Variants in FTO observed in about 807,000 individuals in gnomAD.
FTO encodes the protein FTO alpha-ketoglutarate dependent dioxygenase, also known as alpha-ketoglutarate-dependent dioxygenase FTO.
FTO carries 47 observed loss-of-function variants against 63.9 expected under a neutral mutation model. The observed-to-expected ratio is 0.74, with a 90% CI of 0.58 to 0.94. The LOEUF (loss-of-function observed/expected upper bound fraction) is 0.94, where lower values mean the gene tolerates loss of function less well. Among genes scored for constraint, FTO ranks in the 40% least tolerant of loss-of-function variants. The pLI is 0.00. For missense variants in FTO, 562 were observed against 618.1 expected (o/e 0.91, Z 0.96); for synonymous variants, 207 against 224.4 (o/e 0.92, Z 0.69).
intron 1 of FTO, among the ~76,000 whole-genome samples, chr16:53,705,607 C>T (rs2075590764): frequency 6.6e-6 from 1 of 152,162 alleles, no homozygotes; most frequent in African/African-American, 2.4e-5. Flanking sequence ...ATAAAATCTG[C>T]TCTATATTGA....
chr16:53,917,387 T>C (rs1342160943), intron 7 of FTO, among the ~76,000 whole-genome samples: 3 of 152,210 alleles, frequency 2.0e-5, no homozygotes, highest in Non-Finnish European at 2.9e-5. Flanking sequence ...GCAAGTTACT[T>C]AATATCTTTG....
rs1168568234 is a variant in FTO, at chr16:53,755,065, CAT to C, written c.45+50837_45+50838del. 3.3e-5 allele frequency among the ~76,000 whole-genome samples: 5 copies of C among 152,190 alleles called. No homozygotes were observed. The South Asian group carries it at 8.3e-4, about 25-fold the overall frequency. On this transcript the variant is annotated intron_variant, in intron 1 of 8. Transcript: ENST00000471389. ...TTACCATTGCTAGTTGTGTGTAAAA[CAT>C]GTGTTAGAAGAAGTAATTATGTTTA...
chr16:53,728,294 A>G (rs1344090937), intron 1 of FTO, among the ~76,000 whole-genome samples: 5 of 152,110 alleles, frequency 3.3e-5, no homozygotes, highest in African/African-American at 4.8e-5. Context: ...CCAGAGCCTG[A>G]CACAGTCAAT....
intron 5 of FTO, among the ~76,000 whole-genome samples, chr16:53,876,055 G>A (rs1598884556): frequency 6.6e-6 from 1 of 152,054 alleles, no homozygotes; most frequent in East Asian, 1.9e-4. Context: ...TCTTTTTAAA[G>A]AAATTTACAT....
rs529495415 is a variant in FTO at position 53,936,900 on chromosome 16, T to C, written c.1364+2791T>C. On this transcript the variant is annotated intron_variant, in intron 8 of 8. Coordinates refer to ENST00000471389, the MANE Select transcript of FTO (RefSeq NM_001080432.3). ...GTATAAGTCTTTTGTAATAAAGGTT[T>C]TTACCTCTCTTTAGCAGGTTCATTT... Among the ~76,000 whole-genome samples the C allele has an allele frequency of 3.9e-5, 6 of 152,328 alleles. No homozygotes were observed. The South Asian group carries it at 1.2e-3, about 32-fold the overall frequency.
At chr16:54,001,366 A>G (rs2084062768) in intron 8 of FTO, among the ~76,000 whole-genome samples, 1 of 152,162 alleles carries the variant, frequency 6.6e-6, no homozygotes, top group Admixed American at 6.5e-5. Flanking sequence ...AGAGGGTGGT[A>G]TCTTCGTCTT....
intron 1 of FTO, among the ~76,000 whole-genome samples, chr16:53,777,031 C>T (rs62033399): frequency 0.39 from 59,570 of 151,928 alleles, 11,991 homozygotes; most frequent in African/African-American, 0.42. Flanking sequence ...AGCTAATTAA[C>T]ATATCTGTCA....
chr16:54,097,332 T>TG (rs1555507536), intron 8 of FTO, among the ~76,000 whole-genome samples: 53 of 151,890 alleles, frequency 3.5e-4, no homozygotes, highest in Middle Eastern at 3.4e-3. Flanking sequence ...TTGTTTTTTT[T>TG]TTGTTGTTGT....
chr16:54,078,654 T>A (rs59491240), intron 8 of FTO, among the ~76,000 whole-genome samples: 11,963 of 152,096 alleles, frequency 0.079, 792 homozygotes, highest in African/African-American at 0.17. Context: ...TCTTTCTGCA[T>A]CTGAACAGTA....
At chr16:53,970,279 G>A (rs1599115451) in intron 8 of FTO, among the ~76,000 whole-genome samples, 3 of 152,190 alleles carry the variant, frequency 2.0e-5, no homozygotes, top group East Asian at 3.9e-4. Context: ...CATACAAGAG[G>A]GAAGCCGACT....
intron 8 of FTO, among the ~76,000 whole-genome samples, chr16:54,093,561 G>T (rs998659789): frequency 2.0e-5 from 3 of 152,208 alleles, no homozygotes; most frequent in Non-Finnish European, 2.9e-5. Flanking sequence ...GTAATGCTCA[G>T]TGAGGAGCCG....
chr16:53,843,110 T>G (rs1188265917), intron 3 of FTO, among the ~76,000 whole-genome samples: 1 of 152,238 alleles, frequency 6.6e-6, no homozygotes, highest in Non-Finnish European at 1.5e-5. Flanking sequence ...GATCATAATT[T>G]ATTTAACCAG....
chr16:53,949,077 A>G (rs1941910751), intron 8 of FTO, among the ~76,000 whole-genome samples: 1 of 152,234 alleles, frequency 6.6e-6, no homozygotes, highest in Admixed American at 6.5e-5. Flanking sequence ...CATTGTCACC[A>G]TAAAAAGGTG....
intron 2 of FTO, 48 bp from the exon 3 acceptor site, chr16:53,825,816 A>C: frequency 6.3e-7 from 1 of 1,598,988 alleles, no homozygotes; most frequent in Non-Finnish European, 8.5e-7. Flanking sequence ...GAAATAATAC[A>C]ATTGTAGCTA....
At chr16:54,022,311 C>T (rs973847459) in intron 8 of FTO, among the ~76,000 whole-genome samples, 10 of 151,664 alleles carry the variant, frequency 6.6e-5, no homozygotes, top group Non-Finnish European at 1.0e-4. Context: ...TGATTGGTTA[C>T]GGTAGTATTA....
chr16:53,904,234 C>T (rs868559821), intron 7 of FTO, among the ~76,000 whole-genome samples: 2 of 152,110 alleles, frequency 1.3e-5, no homozygotes, highest in African/African-American at 2.4e-5. Context: ...ATTTGCATTT[C>T]TCTCATTCCT....
chr16:53,812,080 T>C (rs973685556), intron 2 of FTO, among the ~76,000 whole-genome samples: 4 of 152,104 alleles, frequency 2.6e-5, no homozygotes, highest in Non-Finnish European at 5.9e-5. Context: ...CACAAAGTGC[T>C]GGGGTTACAG....
At chr16:53,973,384 T>C (rs2083373159) in intron 8 of FTO, among the ~76,000 whole-genome samples, 1 of 152,196 alleles carries the variant, frequency 6.6e-6, no homozygotes, top group Non-Finnish European at 1.5e-5. Context: ...TTATTCCCAT[T>C]TGCTACTTAA....
intron 8 of FTO, among the ~76,000 whole-genome samples, chr16:54,065,449 C>T (rs1256827705): frequency 1.3e-5 from 2 of 152,138 alleles, no homozygotes; most frequent in Admixed American, 6.5e-5. Context: ...CAGGTGTGCA[C>T]CACCGCATCC....
Sources: allele counts gnomAD v4.1 joint callset (sites outside exome capture counted in the v4.1 genomes callset), GRCh38; gene constraint gnomAD v4.1.1; transcripts MANE v1.5; gene names NCBI Gene and HGNC (gene_info 2026-07-23, HGNC 2026-07-21).